Variants in BAIAP2L2 observed in about 807,000 individuals in gnomAD.
BAIAP2L2 encodes the protein BAR/IMD domain-containing adapter protein 2-like 2.
Under a neutral mutation model 60.4 loss-of-function variants are expected in BAIAP2L2, and 65 were observed. That is an observed-to-expected ratio of 1.08 (90% CI 0.88 to 1.32). The LOEUF (loss-of-function observed/expected upper bound fraction) is 1.32. Among genes scored for constraint, BAIAP2L2 ranks in the 40% most tolerant of loss-of-function variants. BAIAP2L2 has a pLI of 0.00. For synonymous variants in BAIAP2L2, 344 were observed against 301.7 expected, an observed-to-expected ratio of 1.14 and a Z score of -1.45; for missense variants, 836 against 741.2, an observed-to-expected ratio of 1.13 and a Z score of -1.48.
In BAIAP2L2 at chr22:38,086,377, C is replaced by T. The variant is rs1330221688; in HGVS notation, c.1332G>A (p.Ser444=). The change falls in exon 12 of 14, where the codon TCG becomes TCA. Residue 444 remains serine, a synonymous_variant. Coordinates refer to ENST00000381669, the MANE Select transcript of BAIAP2L2 (RefSeq NM_025045.6). ...LDRPGNSIAP[S]EYWDGQSRSR... is the part of the protein sequence containing the mutation. Reference sequence around the variant, plus strand: ...AGCGGGACTGGCCATCCCAGTACTCCGAGGGTGCTATGGAGTTGCCCGGCC... The same window carrying T: ...AGCGGGACTGGCCATCCCAGTACTCTGAGGGTGCTATGGAGTTGCCCGGCC... The T allele has an allele frequency of 1.3e-5, 10 of 764,754 alleles. No individual in the cohort carries two copies. Among genetic ancestry groups the T allele is most frequent in the Middle Eastern group, 3.6e-4 (1 of 2,784 alleles). 47.4% of individuals were successfully genotyped at this position (764,754 alleles called of 1,614,324 possible).
intron 4 of BAIAP2L2, among the ~76,000 whole-genome samples, chr22:38,101,855 A>T (rs1354871486): frequency 6.6e-6 from 1 of 151,922 alleles, no homozygotes; most frequent in Non-Finnish European, 1.5e-5. Flanking sequence ...TTCCGTCTCA[A>T]AAAACAAACA....
At chr22:38,085,521 TTTTTC>T in intron 13 of BAIAP2L2, 146 bp from the exon 14 acceptor site, 2 of 1,302,894 alleles carry the variant, frequency 1.5e-6, no homozygotes, top group South Asian at 2.5e-5. Context: ...TTCATCTTTT[TTTTTC>T]TTTTAAGAGA....
intron 7 of BAIAP2L2, among the ~76,000 whole-genome samples, chr22:38,095,918 G>A (rs2086417271): frequency 1.3e-5 from 2 of 152,142 alleles, no homozygotes; most frequent in African/African-American, 4.8e-5. Flanking sequence ...AATAGTGTGG[G>A]AGAAAAAGAG....
At chr22:38,089,784 G>A in intron 7 of BAIAP2L2, 110 bp from the exon 8 acceptor site, 4 of 1,085,210 alleles carry the variant, frequency 3.7e-6, no homozygotes, top group South Asian at 4.7e-5. Context: ...AGCTCGGGAC[G>A]ACCGGATTTT....
rs544604156 is a variant in BAIAP2L2, at chr22:38,101,360, C to T, written c.277-2878G>A. On this transcript the variant is annotated intron_variant, in intron 4 of 13. Transcript: ENST00000381669. The stretch of plus-strand genomic sequence containing the variant: ...CCAGCCTGGGCAACATAGTAAGATG[C>T]TGTCTCTACATAAAAAAAAAAAAAA... Among the ~76,000 whole-genome samples the T allele has an allele frequency of 7.9e-5, 9 of 113,448 alleles. No individual in the cohort carries two copies. The Admixed American group carries it at 8.5e-4, about 11-fold the overall frequency. 74.4% of individuals were successfully genotyped at this position (113,448 alleles called of 152,430 possible). A position where few individuals can be genotyped will look rare whatever the true frequency, so the allele number is the denominator to read the frequency against.
intron 12 of BAIAP2L2, 53 bp downstream of exon 12, chr22:38,086,189 C>G: frequency 6.4e-7 from 1 of 1,560,312 alleles, no homozygotes; most frequent in Non-Finnish European, 8.7e-7. Flanking sequence ...GATCCCTGCT[C>G]TCCTGCCTCC....
chr22:38,108,268 G>C lies in BAIAP2L2; in HGVS notation c.201C>G (p.Thr67=). The C allele has an allele frequency of 6.2e-7, 1 of 1,612,538 alleles. No individual in the cohort carries two copies. Among genetic ancestry groups the C allele is most frequent in the East Asian group, 2.2e-5 (1 of 44,882 alleles). ...KIGERALQSP[T]SQILGEILVQ... is the part of the protein sequence containing the mutation. ...GGGGAGCCTCACCCAGAATCTGTGA[G>C]GTGGGGCTCTGCAGGGCACGCTCCC... is the stretch of plus-strand genomic sequence containing the variant. Residue 67 remains threonine (T), a synonymous_variant, in exon 3 of 14, where the codon ACC becomes ACG. Coordinates refer to ENST00000381669, the MANE Select transcript of BAIAP2L2 (RefSeq NM_025045.6).
chr22:38,096,970 G>C, intron 7 of BAIAP2L2, 62 bp downstream of exon 7: 1 of 1,547,324 alleles, frequency 6.5e-7, no homozygotes, highest in Non-Finnish European at 8.8e-7. Flanking sequence ...CTCTATGTAC[G>C]GCCACTCAGG....
chr22:38,100,407 T>A (rs1297202357), intron 4 of BAIAP2L2, among the ~76,000 whole-genome samples: 1 of 151,970 alleles, frequency 6.6e-6, no homozygotes, highest in Non-Finnish European at 1.5e-5. Context: ...CTGCCTGTAA[T>A]CCCAGCTACT....
intron 4 of BAIAP2L2, among the ~76,000 whole-genome samples, chr22:38,106,245 G>A (rs1391951050): frequency 3.3e-5 from 5 of 152,248 alleles, no homozygotes; most frequent in South Asian, 4.1e-4. Flanking sequence ...CCCGCCAGGC[G>A]CGGTGGCTCA....
chr22:38,110,702 A>C, upstream of BAIAP2L2: 3 of 567,186 alleles, frequency 5.3e-6, no homozygotes, highest in South Asian at 4.4e-5. Context: ...TTATTCACCA[A>C]CTCGGGATGT....
intron 7 of BAIAP2L2, among the ~76,000 whole-genome samples, chr22:38,094,833 C>T (rs1011561633): frequency 6.6e-5 from 10 of 151,558 alleles, no homozygotes; most frequent in African/African-American, 2.2e-4. Context: ...GCGTGGGAGG[C>T]GTGGGAGGCG....
At chr22:38,107,158 C>G (rs1408250889) in intron 4 of BAIAP2L2, among the ~76,000 whole-genome samples, 1 of 152,164 alleles carries the variant, frequency 6.6e-6, no homozygotes, top group Non-Finnish European at 1.5e-5. Context: ...GCTTTGAACC[C>G]ACCACGAGCT....
chr22:38,105,598 C>G (rs746611639), intron 4 of BAIAP2L2, among the ~76,000 whole-genome samples: 2 of 152,124 alleles, frequency 1.3e-5, no homozygotes, highest in African/African-American at 2.4e-5. Flanking sequence ...CCACCTCGGC[C>G]TCCCAAAGTG....
chr22:38,086,739 T>C (rs544126407), intron 11 of BAIAP2L2, among the ~76,000 whole-genome samples: 15 of 152,168 alleles, frequency 9.9e-5, no homozygotes, highest in Non-Finnish European at 1.8e-4. Context: ...CTCACGCCTG[T>C]AATCCCAGCA....
At chr22:38,107,726 G>A (rs1042512138) in intron 4 of BAIAP2L2, 126 bp downstream of exon 4, 19 of 843,192 alleles carry the variant, frequency 2.3e-5, no homozygotes, top group African/African-American at 1.0e-4. Context: ...CCACAGAGCC[G>A]GGTGCTGGGA....
At chr22:38,093,546 C>T (rs532946176) in intron 7 of BAIAP2L2, among the ~76,000 whole-genome samples, 1 of 152,288 alleles carries the variant, frequency 6.6e-6, no homozygotes, top group South Asian at 2.1e-4. Context: ...AGGAGTTTAA[C>T]ACAGGTGAAA....
intron 6 of BAIAP2L2, 60 bp downstream of exon 6, chr22:38,098,003 T>TGCC: frequency 2.4e-5 from 13 of 540,962 alleles, no homozygotes; most frequent in Non-Finnish European, 2.8e-5. Context: ...GGGCCCGGTC[T>TGCC]CGCCCCGAGG....
In BAIAP2L2 at chr22:38,086,351, G is replaced by A. The variant is rs757737079; in HGVS notation, c.1358C>T (p.Ser453Phe). 6 of 773,620 alleles carry A rather than the reference G, an allele frequency of 7.8e-6. No homozygotes were observed. Among genetic ancestry groups the A allele is most frequent in the Non-Finnish European group, 3.8e-6 (2 of 524,814 alleles). 47.9% of individuals were successfully genotyped at this position (773,620 alleles called of 1,614,324 possible). A position where few individuals can be genotyped will look rare whatever the true frequency, so the allele number is the denominator to read the frequency against. The change falls in exon 12 of 14, where the codon TCC becomes TTC. Residue 453 changes from serine to phenylalanine, a missense_variant. By Grantham distance (155) the Ser-to-Phe change is radical. Coordinates refer to ENST00000381669, the MANE Select transcript of BAIAP2L2 (RefSeq NM_025045.6). Reference sequence around the variant, plus strand: ...GCTTGGCACCCGGCTTGGGGTGCGGGAGCGGGACTGGCCATCCCAGTACTC... The same window carrying A: ...GCTTGGCACCCGGCTTGGGGTGCGGAAGCGGGACTGGCCATCCCAGTACTC... ...PSEYWDGQSRSRTPSRVPSRA... is the reference protein window; with the variant it reads ...PSEYWDGQSRFRTPSRVPSRA...
Sources: gnomAD v4.1 joint callset for allele counts (sites outside exome capture counted in the v4.1 genomes callset) on GRCh38, gnomAD v4.1.1 for gene constraint, MANE v1.5 for transcripts, NCBI Gene and HGNC (gene_info 2026-07-23, HGNC 2026-07-21) for gene names.